Variants in QRICH2 observed in about 807,000 individuals in gnomAD.
QRICH2 encodes glutamine rich 2.
Under a neutral mutation model 168.3 loss-of-function variants are expected in QRICH2, and 119 were observed. The observed-to-expected ratio is 0.71, with a 90% CI of 0.61 to 0.82. QRICH2 has a LOEUF of 0.82. QRICH2 is among the 40% of genes least tolerant of loss of function. QRICH2 has a pLI of 0.00. For synonymous variants in QRICH2, 894 were observed against 951.2 expected, an observed-to-expected ratio of 0.94 and a Z score of 1.11; for missense variants, 2,241 against 2,491.6, an observed-to-expected ratio of 0.90 and a Z score of 2.14.
Position 76,281,973 on chromosome 17 carries a change from TC to T in QRICH2, c.4153del (p.Asp1385MetfsTer2). On this transcript the variant is annotated frameshift_variant, in exon 8 of 19. Coordinates refer to ENST00000680821, the MANE Select transcript of QRICH2 (RefSeq NM_001388453.1). LOFTEE classifies it high-confidence loss of function. This position sits in a 1 kb window ranked among gnomAD's most constrained non-coding sequence, Gnocchi z 4.4. ...PEATCPACSL[D>X]VSHQVSTLVR... ...CAGCGTGCTGACCTGATGGCTCACA[TC>T]CAGGCTGCAGGCTGGACAGGTGGCC... is the stretch of plus-strand genomic sequence containing the variant. 6.2e-7 allele frequency: 1 copy of T among 1,613,756 alleles called. No homozygotes were observed. The highest frequency in any genetic ancestry group is 1.1e-5 in the South Asian group (1 of 91,038).
intron 3 of QRICH2, among the ~76,000 whole-genome samples, chr17:76,302,852 G>T (rs2070928054): frequency 6.6e-6 from 1 of 151,966 alleles, no homozygotes; most frequent in Non-Finnish European, 1.5e-5. Flanking sequence ...GGCACTGCAT[G>T]ACTGACTGGT....
chr17:76,308,478 G>C (rs993259309), upstream of QRICH2: 11 of 985,376 alleles, frequency 1.1e-5, no homozygotes, highest in African/African-American at 1.9e-4. Flanking sequence ...CACTCTTGGC[G>C]GGGCCACATA....
chr17:76,285,939 A>G (rs995838497), intron 7 of QRICH2, among the ~76,000 whole-genome samples: 33 of 151,780 alleles, frequency 2.2e-4, no homozygotes, highest in South Asian at 1.2e-3. Flanking sequence ...TTGGGAGGCC[A>G]AGGCGGGCAG....
chr17:76,307,798 C>G lies in QRICH2; in HGVS notation c.201G>C (p.Ser67=), dbSNP rs958557405. 9 of 1,363,750 alleles carry G rather than the reference C, an allele frequency of 6.6e-6. No individual in the cohort carries two copies. In the African/African-American group the frequency reaches 9.0e-5, roughly 14 times the overall value. 84.5% of individuals were successfully genotyped at this position (1,363,750 alleles called of 1,614,324 possible). The change falls in exon 1 of 19, where the codon TCG becomes TCC. Residue 67 remains serine, a synonymous_variant. Transcript: ENST00000680821. This position sits in a 1 kb window ranked among gnomAD's most constrained non-coding sequence, Gnocchi z 5.3. ...GCGCGGGCAGGTGCGGGATGCTGAACGAGCTCCGGACGGACTGCAGCGAGC... is the reference window on the plus strand; with the variant it reads ...GCGCGGGCAGGTGCGGGATGCTGAAGGAGCTCCGGACGGACTGCAGCGAGC... ...PSRSLQSVRS[S]FSIPHLPAPK...
rs2071029549 is a variant in QRICH2 at position 76,292,619 on chromosome 17, G to C, written c.2108C>G (p.Pro703Arg). The change falls in exon 4 of 19, where the codon CCT becomes CGT. Residue 703 changes from proline to arginine, a missense_variant. Around this residue, in one of 3 missense-constraint regions of QRICH2, gnomAD observed 2,047 missense variants for 2,303.8 expected, o/e 0.89. Transcript: ENST00000680821. ...TACCAAACCATGCTGATCTGCACCA[G>C]GTTGCACCACATCAATCTGATCTGC... is the stretch of plus-strand genomic sequence containing the variant. ...PGADQIDVVQPGADQHGLVQS... is the reference protein window; with the variant it reads ...PGADQIDVVQRGADQHGLVQS... 6.2e-7 allele frequency: 1 copy of C among 1,613,588 alleles called. No homozygotes were observed. The highest frequency in any genetic ancestry group is 1.3e-5 in the African/African-American group (1 of 74,888).
Position 76,293,321 on chromosome 17 carries a change from C to A in QRICH2, c.1406G>T (p.Ser469Ile). ...AAATGTCATACCATGCTGATATGCA[C>A]TGACTGAAACCAGACCATGTTGGTC... ...STDQHGLVSV[S>I]AYQHGMTFPG... Residue 469 changes from serine to isoleucine, a missense_variant, in exon 4 of 19, where the codon AGT (serine) becomes ATT (isoleucine). By Grantham distance (142) the Ser-to-Ile change is moderately radical. Coordinates refer to ENST00000680821, the MANE Select transcript of QRICH2 (RefSeq NM_001388453.1). 6.2e-7 allele frequency: 1 copy of A among 1,614,138 alleles called. No homozygotes were observed. Among genetic ancestry groups the A allele is most frequent in the South Asian group, 1.1e-5 (1 of 91,090 alleles).
chr17:76,280,014 C>A lies in QRICH2; in HGVS notation c.4748+19G>T, dbSNP rs1440237158. 6.3e-7 allele frequency: 1 copy of A among 1,592,480 alleles called. No individual in the cohort carries two copies. ...CCTGAAGAGCGTGCCAGCCTCCTCC[C>A]CTGCCTCCCAGGCCTCACCTCCGCA... is the stretch of plus-strand genomic sequence containing the variant. On this transcript the variant is annotated intron_variant, in intron 12 of 18. Transcript: ENST00000680821. The surrounding 1 kb of genome is among the most constrained non-coding windows in gnomAD (Gnocchi z 7.4).
At chr17:76,295,392 C>T (rs556239194) in intron 3 of QRICH2, among the ~76,000 whole-genome samples, 24 of 152,176 alleles carry the variant, frequency 1.6e-4, no homozygotes, top group African/African-American at 4.6e-4. Flanking sequence ...CAGTGGCTCA[C>T]GCCTGTCATC....
chr17:76,307,618 G>C lies in QRICH2; in HGVS notation c.381C>G (p.Ile127Met). The stretch of plus-strand genomic sequence containing the variant: ...GGGAGAAGTGCTGCACGTGCGTGGC[G>C]ATGCCCTGCACCTGGCCGTCCACAC... ...LKRVDGQVQG[I>M]ATHVQHFSQA... The change falls in exon 1 of 19, where the codon ATC becomes ATG. Residue 127 changes from isoleucine (I) to methionine (M), a missense_variant. By Grantham distance (10) the Ile-to-Met change is conservative. This residue lies in a region of QRICH2 where 2,047 missense variants were observed against 2,303.8 expected (regional missense o/e 0.89). Coordinates refer to ENST00000680821, the MANE Select transcript of QRICH2 (RefSeq NM_001388453.1). This position sits in a 1 kb window ranked among gnomAD's most constrained non-coding sequence, Gnocchi z 5.3. 1 of 1,524,554 alleles carries C rather than the reference G, an allele frequency of 6.6e-7. No homozygotes were observed. The highest frequency in any genetic ancestry group is 2.0e-5 in the Admixed American group (1 of 48,910). The allele number at this position is 1,524,554 out of a possible 1,614,324, so 94.4% of individuals were successfully genotyped here. A position where few individuals can be genotyped will look rare whatever the true frequency, so the allele number is the denominator to read the frequency against.
Position 76,280,201 on chromosome 17 carries a change from G to A in QRICH2, c.4627-47C>T, listed in dbSNP as rs369899408. 7.2e-5 allele frequency: 116 copies of A among 1,608,114 alleles called. No homozygotes were observed. Among genetic ancestry groups the A allele is most frequent in the Non-Finnish European group, 9.4e-5 (110 of 1,176,376 alleles). ...CAGGGGACCTCTAAGGAAGCAGGTA[G>A]GGGGCTGACCCAGGAGAAGGTGGTG... On this transcript the variant is annotated intron_variant, in intron 11 of 18. Coordinates refer to ENST00000680821, the MANE Select transcript of QRICH2 (RefSeq NM_001388453.1). This position sits in a 1 kb window ranked among gnomAD's most constrained non-coding sequence, Gnocchi z 7.4.
chr17:76,301,449 T>G (rs1014943416), intron 3 of QRICH2: 2 of 247,516 alleles, frequency 8.1e-6, no homozygotes, highest in African/African-American at 4.7e-5. Context: ...GCACCTGTGG[T>G]CCCAACTACC....
chr17:76,288,465 G>A (rs1207667808), intron 5 of QRICH2, among the ~76,000 whole-genome samples: 3 of 151,508 alleles, frequency 2.0e-5, no homozygotes, highest in Non-Finnish European at 4.4e-5. Context: ...AGCACTTTGG[G>A]AGGCTGAGGT....
chr17:76,282,002 A>C lies in QRICH2; in HGVS notation c.4125T>G (p.Pro1375=), dbSNP rs2070797139. The C allele has an allele frequency of 2.5e-6, 4 of 1,613,506 alleles. No homozygotes were observed. The highest frequency in any genetic ancestry group is 2.7e-5 in the African/African-American group (2 of 75,060). Residue 1375 remains proline, a synonymous_variant, in exon 8 of 19, where the codon CCT becomes CCG. Coordinates refer to ENST00000680821, the MANE Select transcript of QRICH2 (RefSeq NM_001388453.1). ...AHTLAPGQID[P]EATCPACSLD... ...GGCTGCAGGCTGGACAGGTGGCCTCAGGGTCGATCTGGCCAGGAGCCAAGG... is the reference window on the plus strand; with the variant it reads ...GGCTGCAGGCTGGACAGGTGGCCTCCGGGTCGATCTGGCCAGGAGCCAAGG...
In QRICH2 at chr17:76,274,093, T is replaced by C. The variant is rs546167370; in HGVS notation, c.5650A>G (p.Ser1884Gly). ...TACACCTCCGCTCACTGAGCGGTGC[T>C]GGACCGCGGCCCCCGCGTGGGCTCC... The part of the protein sequence containing the change: ...LEEPTRGPRS[S>G]TAQ Residue 1884 changes from serine to glycine, a missense_variant, in exon 19 of 19, where the codon AGC becomes GGC. Ser to Gly is a moderately conservative substitution (Grantham distance 56). This residue lies in a region of QRICH2 where 189 missense variants were observed against 169.3 expected (regional missense o/e 1.12). Coordinates refer to ENST00000680821, the MANE Select transcript of QRICH2 (RefSeq NM_001388453.1). 1.3e-6 allele frequency: 2 copies of C among 1,579,468 alleles called. No individual in the cohort carries two copies. The highest frequency in any genetic ancestry group is 2.8e-5 in the African/African-American group (2 of 72,560).
Position 76,280,918 on chromosome 17 carries a change from G to A in QRICH2, c.4299C>T (p.Ile1433=), listed in dbSNP as rs751740965. 6 of 1,612,324 alleles carry A rather than the reference G, an allele frequency of 3.7e-6. No homozygotes were observed. Among genetic ancestry groups the A allele is most frequent in the Non-Finnish European group, 5.1e-6 (6 of 1,180,006 alleles). ...EELLGRVQSA[I]LQVQGDCEKL... ...TCTCGCAGTCACCCTGCACCTGCAGGATGGCACTCTGCACACGGCCCAGCA... is the reference window on the plus strand; with the variant it reads ...TCTCGCAGTCACCCTGCACCTGCAGAATGGCACTCTGCACACGGCCCAGCA... The change falls in exon 9 of 19, where the codon ATC becomes ATT. Residue 1433 remains isoleucine, a synonymous_variant. Coordinates refer to ENST00000680821, the MANE Select transcript of QRICH2 (RefSeq NM_001388453.1). The surrounding 1 kb of genome is among the most constrained non-coding windows in gnomAD (Gnocchi z 7.4).
chr17:76,288,383 TAAAAAAAA>T (rs770162922), intron 5 of QRICH2, among the ~76,000 whole-genome samples: 1 of 39,246 alleles, frequency 2.5e-5, no homozygotes. Context: ...GAATCAGTCT[TAAAAAAAA>T]AAAAAAAAAA....
chr17:76,308,230 C>T lies in QRICH2; in HGVS notation c.-232G>A, dbSNP rs1567793044. 1 of 985,324 alleles carries T rather than the reference C, an allele frequency of 1.0e-6. No homozygotes were observed. Among genetic ancestry groups the T allele is most frequent in the East Asian group, 1.1e-4 (1 of 8,828 alleles). 61.0% of individuals were successfully genotyped at this position (985,324 alleles called of 1,614,324 possible). Reference sequence around the variant, plus strand: ...CGCTGTCTGTCGCTGGCCTCGGGTCCCCGAGCTGGAGCCCTGGACTCCCAG... The same window carrying T: ...CGCTGTCTGTCGCTGGCCTCGGGTCTCCGAGCTGGAGCCCTGGACTCCCAG... On this transcript the variant is annotated 5_prime_UTR_variant, in exon 1 of 19. Transcript: ENST00000680821.
Position 76,277,395 on chromosome 17 carries a change from G to A in QRICH2, c.5118-85C>T. ...TCACCCACCCATGGGGCTGACCAGAGGGAAGGGGCACAGCTTCTCTTCGGG... is the reference window on the plus strand; with the variant it reads ...TCACCCACCCATGGGGCTGACCAGAAGGAAGGGGCACAGCTTCTCTTCGGG... On this transcript the variant is annotated intron_variant, in intron 15 of 18. Coordinates refer to ENST00000680821, the MANE Select transcript of QRICH2 (RefSeq NM_001388453.1). 4 of 1,474,738 alleles carry A rather than the reference G, an allele frequency of 2.7e-6. No individual in the cohort carries two copies. In the South Asian group the frequency reaches 3.7e-5, roughly 14 times the overall value. 91.4% of individuals were successfully genotyped at this position (1,474,738 alleles called of 1,614,324 possible). A position where few individuals can be genotyped will look rare whatever the true frequency, so the allele number is the denominator to read the frequency against.
At chr17:76,296,501 A>C (rs2070794757) in intron 3 of QRICH2, among the ~76,000 whole-genome samples, 1 of 151,906 alleles carries the variant, frequency 6.6e-6, no homozygotes, top group Admixed American at 6.6e-5. Flanking sequence ...GAAAGAAGGG[A>C]GTTATCCAGG....
Sources: gnomAD v4.1 joint callset for allele counts (sites outside exome capture counted in the v4.1 genomes callset) on GRCh38, gnomAD v4.1.1 for gene constraint, gnomAD v4.1.1 regional missense constraint, Gnocchi (gnomAD v3.1) non-coding constraint, MANE v1.5 for transcripts, NCBI Gene and HGNC (gene_info 2026-07-23, HGNC 2026-07-21) for gene names.